Variants in APC observed in about 807,000 individuals in gnomAD.
APC encodes adenomatous polyposis coli protein.
APC carries 72 observed loss-of-function variants against 247.0 expected under a neutral mutation model. The ratio of observed to expected loss-of-function variants is 0.29; its 90% CI spans 0.24 to 0.35. The LOEUF (loss-of-function observed/expected upper bound fraction) is 0.35. Ranked by LOEUF, APC falls within the 10% of genes least tolerant of loss-of-function variation. The pLI is 1.00. For missense variants in APC, 3,400 were observed against 3,360.7 expected, an observed-to-expected ratio of 1.01 and a Z score of -0.29; for synonymous variants, 1,254 against 1,162.5, an observed-to-expected ratio of 1.08 and a Z score of -1.60.
Position 112,820,096 on chromosome 5 carries a change from G to C in APC, c.1312+752G>C, listed in dbSNP as rs501250. Reference sequence around the variant, plus strand: ...AGCAGCATGGGAGTTAGGACCTATGGGGATATAACTTATTTCATTCCTGTA... The same window carrying C: ...AGCAGCATGGGAGTTAGGACCTATGCGGATATAACTTATTTCATTCCTGTA... On this transcript the variant is annotated intron_variant, in intron 10 of 15. Transcript: ENST00000257430. Among the ~76,000 whole-genome samples, 91,941 of 151,650 alleles carry C rather than the reference G, an allele frequency of 0.61. 28,470 individuals are homozygous for C. The highest frequency in any genetic ancestry group is 0.9 in the East Asian group (4,656 of 5,150).
At chr5:112,757,345 A>G (rs994441965) in intron 2 of APC, among the ~76,000 whole-genome samples, 3 of 152,250 alleles carry the variant, frequency 2.0e-5, no homozygotes. Context: ...AATCCACACA[A>G]TGGTTATTTC....
In APC at chr5:112,754,909, G is replaced by T. The variant is rs2149737402; in HGVS notation, c.19G>T (p.Asp7Tyr). The stretch of plus-strand genomic sequence containing the variant: ...GCCAAGGATGGCTGCAGCTTCATAT[G>T]ATCAGTTGTTAAAGCAAGTTGAGGC... MAAASYDQLLKQVEALK... is the reference protein window; with the variant it reads MAAASYYQLLKQVEALK... Residue 7 changes from aspartate to tyrosine, a missense_variant, in exon 2 of 16, where the codon GAT becomes TAT. This residue lies in a region of APC where 372 missense variants were observed against 367.6 expected (regional missense o/e 1.01). Coordinates refer to ENST00000257430, the MANE Select transcript of APC (RefSeq NM_000038.6). 6.2e-7 allele frequency: 1 copy of T among 1,613,720 alleles called. No individual in the cohort carries two copies. Among genetic ancestry groups the T allele is most frequent in the South Asian group, 1.1e-5 (1 of 91,058 alleles).
chr5:112,821,767 T>A (rs1763151095), intron 10 of APC, 129 bp from the exon 11 acceptor site: 4 of 701,724 alleles, frequency 5.7e-6, no homozygotes, highest in Non-Finnish European at 1.0e-5. Flanking sequence ...TCAGCAAATA[T>A]TTGTTGATCC....
intron 1 of APC, among the ~76,000 whole-genome samples, chr5:112,713,795 T>C (rs1751000003): frequency 1.3e-5 from 2 of 152,236 alleles, no homozygotes; most frequent in South Asian, 2.1e-4. Context: ...GCCTCCCAAG[T>C]AGCTGGCGCC....
At chr5:112,750,639 A>G (rs1358810097) in intron 1 of APC, among the ~76,000 whole-genome samples, 1 of 152,178 alleles carries the variant, frequency 6.6e-6, no homozygotes, top group East Asian at 1.9e-4. Context: ...ATTTGTTTGA[A>G]GTACCCTAAG....
intron 2 of APC, among the ~76,000 whole-genome samples, chr5:112,757,913 ATAT>A (rs1421617993): frequency 6.6e-6 from 1 of 152,144 alleles, no homozygotes; most frequent in East Asian, 1.9e-4. Context: ...AAGTATAATG[ATAT>A]TATTGTGTTT....
intron 6 of APC, among the ~76,000 whole-genome samples, chr5:112,786,886 C>CTT (rs1171592849): frequency 0.048 from 5,627 of 118,030 alleles, 256 homozygotes; most frequent in East Asian, 0.16. Flanking sequence ...TTTTCTTTTT[C>CTT]TTTTTTTTTT....
In APC at chr5:112,827,956, A is replaced by G. The variant is rs777219286; in HGVS notation, c.1576A>G (p.Met526Val). 5.0e-6 allele frequency: 8 copies of G among 1,613,168 alleles called. No homozygotes were observed. The highest frequency in any genetic ancestry group is 2.2e-5 in the East Asian group (1 of 44,880). ...TACGCTATGCTCTATGAAAGGCTGC[A>G]TGAGAGCACTTGTGGCCCAACTAAA... is the stretch of plus-strand genomic sequence containing the variant. ...KATLCSMKGC[M>V]RALVAQLKSE... Residue 526 changes from methionine (M) to valine (V), a missense_variant, in exon 13 of 16, where the codon ATG becomes GTG. Physicochemically the swap from Met to Val is conservative, Grantham distance 21. Around this residue, in one of 9 missense-constraint regions of APC, gnomAD observed 184 missense variants for 248.0 expected, o/e 0.74. Coordinates refer to ENST00000257430, the MANE Select transcript of APC (RefSeq NM_000038.6).
chr5:112,813,699 C>G (rs1211495688), intron 8 of APC, among the ~76,000 whole-genome samples: 3 of 150,748 alleles, frequency 2.0e-5, no homozygotes, highest in South Asian at 2.1e-4. Context: ...GAGAGGATCA[C>G]TTGAGCCAAA....
At chr5:112,831,546 TTTTTCATTCAATATC>T (rs1289069626) in intron 14 of APC, among the ~76,000 whole-genome samples, 4 of 152,346 alleles carry the variant, frequency 2.6e-5, no homozygotes, top group African/African-American at 9.6e-5. Context: ...TCTTCTTCTC[TTTTTCATTCAATATC>T]AATTCCCTCT....
Position 112,844,944 on chromosome 5 carries a change from A to T in APC, c.*818A>T, listed in dbSNP as rs1391638027. 8.6e-6 allele frequency: 2 copies of T among 232,486 alleles called. No homozygotes were observed. Among genetic ancestry groups the T allele is most frequent in the Non-Finnish European group, 1.7e-5 (2 of 117,376 alleles). 14.4% of individuals were successfully genotyped at this position (232,486 alleles called of 1,614,324 possible). On this transcript the variant is annotated 3_prime_UTR_variant, in exon 16 of 16. Coordinates refer to ENST00000257430, the MANE Select transcript of APC (RefSeq NM_000038.6). Reference sequence around the variant, plus strand: ...TGAATTGTGTCTCAACAGAAACTAAATGAACATTTCAGAATAAATTATTGC... The same window carrying T: ...TGAATTGTGTCTCAACAGAAACTAATTGAACATTTCAGAATAAATTATTGC...
intron 2 of APC, among the ~76,000 whole-genome samples, chr5:112,758,312 T>G (rs1380825094): frequency 5.5e-5 from 7 of 128,312 alleles, no homozygotes; most frequent in African/African-American, 1.7e-4. Flanking sequence ...TTTTTTTGTT[T>G]GTTTGTTTTT....
At chr5:112,783,704 G>C (rs1291517389) in intron 6 of APC, 2 of 270,524 alleles carry the variant, frequency 7.4e-6, no homozygotes, top group Non-Finnish European at 1.4e-5. Context: ...CTGAGGCTGA[G>C]GAGGATCCCT....
chr5:112,812,068 G>A (rs1032658500), intron 8 of APC, among the ~76,000 whole-genome samples: 2 of 152,292 alleles, frequency 1.3e-5, no homozygotes, highest in South Asian at 4.1e-4. Context: ...TCCCTCAGAG[G>A]GAACAAGAGA....
At chr5:112,819,741 CATT>C (rs1253585764) in intron 10 of APC, among the ~76,000 whole-genome samples, 2 of 152,146 alleles carry the variant, frequency 1.3e-5, no homozygotes, top group Admixed American at 6.5e-5. Context: ...ATTTGCATAT[CATT>C]ATATTCAGGG....
chr5:112,812,577 A>G (rs1762095536), intron 8 of APC, among the ~76,000 whole-genome samples: 1 of 152,162 alleles, frequency 6.6e-6, no homozygotes, highest in Non-Finnish European at 1.5e-5. Flanking sequence ...AATCCCCCTC[A>G]TTCTTTTTAT....
At chr5:112,763,873 C>T (rs543478608) in intron 2 of APC, among the ~76,000 whole-genome samples, 1 of 152,310 alleles carries the variant, frequency 6.6e-6, no homozygotes, top group South Asian at 2.1e-4. Context: ...TTAACAAGGT[C>T]TTCAGGTGAT....
At chr5:112,788,036 A>G (rs1245163877) in intron 6 of APC, among the ~76,000 whole-genome samples, 1 of 152,134 alleles carries the variant, frequency 6.6e-6, no homozygotes. Flanking sequence ...ATTTCTCATT[A>G]TCATGTATTG....
intron 6 of APC, among the ~76,000 whole-genome samples, chr5:112,791,673 T>C (rs1412164005): frequency 1.3e-5 from 2 of 152,234 alleles, no homozygotes. Context: ...GGGACCCTGA[T>C]ATTTATTAAA....
Sources: allele counts gnomAD v4.1 joint callset (sites outside exome capture counted in the v4.1 genomes callset), GRCh38; gene constraint gnomAD v4.1.1; regional missense constraint gnomAD v4.1.1; transcripts MANE v1.5; gene names NCBI Gene and HGNC (gene_info 2026-07-23, HGNC 2026-07-21).